Variants in NF2 observed in about 807,000 individuals in gnomAD.
NF2 encodes merlin.
In NF2, 8 loss-of-function variants were observed where a neutral mutation model predicts 83.7. That is an observed-to-expected ratio of 0.10 (90% confidence interval 0.06 to 0.17). The LOEUF (loss-of-function observed/expected upper bound fraction) is 0.17. NF2 is among the 10% of genes least tolerant of loss of function. NF2 has a pLI of 1.00. For synonymous variants in NF2, 266 were observed against 269.6 expected (o/e 0.99, Z 0.13); for missense variants, 533 against 744.4 (o/e 0.72, Z 3.31).
chr22:29,657,284 C>T (rs781023733), intron 6 of NF2, among the ~76,000 whole-genome samples: 24 of 152,260 alleles, frequency 1.6e-4, no homozygotes, highest in East Asian at 3.9e-4. Flanking sequence ...GGGTTTGTGG[C>T]ATGTGGCAAT....
At chr22:29,620,215 C>T (rs764753632) in intron 1 of NF2, among the ~76,000 whole-genome samples, 6 of 151,918 alleles carry the variant, frequency 3.9e-5, no homozygotes, top group East Asian at 1.9e-4. Context: ...GCTGAGATCG[C>T]GTCACTGCAC....
chr22:29,621,921 CTCT>C, intron 1 of NF2, among the ~76,000 whole-genome samples: 1 of 152,128 alleles, frequency 6.6e-6, no homozygotes, highest in Non-Finnish European at 1.5e-5. Context: ...CAAGGGTTTC[CTCT>C]TCTTTGTGTC....
rs146829323 is a variant in NF2 at position 29,661,628 on chromosome 22, C to T, written c.810+289C>T. ...TTATTACTTGGCTTTCTATTTTTGT[C>T]GATACATTCTCTTTGTATGTTTTCT... On this transcript the variant is annotated intron_variant, in intron 8 of 15. Transcript: ENST00000338641. Among the ~76,000 whole-genome samples the T allele has an allele frequency of 2.0e-3, 312 of 152,318 alleles. 1 individual carries two copies. Among genetic ancestry groups the T allele is most frequent in the Non-Finnish European group, 3.3e-3 (222 of 68,024 alleles).
At chr22:29,638,579 T>C (rs1383220768) in intron 2 of NF2, among the ~76,000 whole-genome samples, 5 of 152,180 alleles carry the variant, frequency 3.3e-5, no homozygotes, top group Admixed American at 6.5e-5. Flanking sequence ...CTTGAACTCC[T>C]GACCTCAGGT....
intron 15 of NF2, chr22:29,683,649 T>A: frequency 9.2e-7 from 1 of 1,083,572 alleles, no homozygotes; most frequent in South Asian, 4.1e-5. Context: ...GATATGTGAG[T>A]CCACGGGGAG....
intron 10 of NF2, among the ~76,000 whole-genome samples, chr22:29,669,050 A>G (rs187954607): frequency 7.2e-5 from 11 of 152,326 alleles, no homozygotes; most frequent in African/African-American, 2.4e-4. Flanking sequence ...GAGAATATCA[A>G]TTGTGTTTTT....
chr22:29,694,847 G>T lies in NF2; in HGVS notation c.*45G>T. 1 of 1,590,440 alleles carries T rather than the reference G, an allele frequency of 6.3e-7. No individual in the cohort carries two copies. Among genetic ancestry groups the T allele is most frequent in the Non-Finnish European group, 8.6e-7 (1 of 1,163,844 alleles). ...AGGACCTGCCACTTCTCCTGCTACC[G>T]GGACCGCGGGATGGACCAGATATCA... On this transcript the variant is annotated 3_prime_UTR_variant, in exon 16 of 16. Coordinates refer to ENST00000338641, the MANE Select transcript of NF2 (RefSeq NM_000268.4). This position sits in a 1 kb window ranked among gnomAD's most constrained non-coding sequence, Gnocchi z 4.1.
chr22:29,686,870 C>G (rs539854061), intron 15 of NF2, among the ~76,000 whole-genome samples: 3 of 152,080 alleles, frequency 2.0e-5, no homozygotes, highest in Non-Finnish European at 4.4e-5. Context: ...TCAGTGGGAG[C>G]GACACGTGTC....
Position 29,636,197 on chromosome 22 carries a change from G to A in NF2, c.115-554G>A, listed in dbSNP as rs536163300. Among the ~76,000 whole-genome samples the A allele has an allele frequency of 1.2e-3, 190 of 152,184 alleles. No individual in the cohort carries two copies. Among genetic ancestry groups the A allele is most frequent in the Non-Finnish European group, 2.4e-3 (160 of 68,012 alleles). On this transcript the variant is annotated intron_variant, in intron 1 of 15. Coordinates refer to ENST00000338641, the MANE Select transcript of NF2 (RefSeq NM_000268.4). The surrounding 1 kb of genome is among the most constrained non-coding windows in gnomAD (Gnocchi z 4.4). ...TGGCCTCAGTTAGGCATCCTTGACA[G>A]GACAGACCTGTGATTGGACTGTCTG...
At chr22:29,683,705 C>T (rs2067207563) in intron 15 of NF2, 6 of 1,073,106 alleles carry the variant, frequency 5.6e-6, no homozygotes, top group Non-Finnish European at 6.8e-6. Flanking sequence ...CTTCAGCTTC[C>T]TCTCCATAGG....
chr22:29,683,069 GTTGT>G, intron 15 of NF2: 1 of 1,614,204 alleles, frequency 6.2e-7, no homozygotes, highest in Non-Finnish European at 8.5e-7. Flanking sequence ...CTCAAAGTAG[GTTGT>G]TCCCAGGTAC....
At chr22:29,621,946 C>T (rs1312507928) in intron 1 of NF2, among the ~76,000 whole-genome samples, 1 of 152,210 alleles carries the variant, frequency 6.6e-6, no homozygotes, top group African/African-American at 2.4e-5. Context: ...AAAGTCACCA[C>T]ATAGCTTCTA....
intron 4 of NF2, among the ~76,000 whole-genome samples, chr22:29,644,372 GA>G (rs1179115613): frequency 6.6e-6 from 1 of 151,882 alleles, no homozygotes; most frequent in Non-Finnish European, 1.5e-5. Context: ...TGGCGGCCGG[GA>G]AGAGGCGCTC....
intron 13 of NF2, among the ~76,000 whole-genome samples, chr22:29,677,219 G>A (rs1273703115): frequency 1.3e-5 from 2 of 152,150 alleles, no homozygotes; most frequent in African/African-American, 2.4e-5. Flanking sequence ...TTAGAGAACC[G>A]TAAACACAGC....
At chr22:29,632,036 C>T (rs1307010828) in intron 1 of NF2, among the ~76,000 whole-genome samples, 1 of 152,170 alleles carries the variant, frequency 6.6e-6, no homozygotes. Context: ...AGTGTGTTCC[C>T]TACTTGGGAG....
intron 1 of NF2, among the ~76,000 whole-genome samples, chr22:29,628,424 G>A (rs2065424269): frequency 1.3e-5 from 2 of 152,012 alleles, no homozygotes; most frequent in African/African-American, 2.4e-5. Context: ...GTTGTAATAA[G>A]GTAGGGTAAT....
rs755253391 is a variant in NF2 at position 29,668,338 on chromosome 22, C to T, written c.891C>T (p.Leu297=). 1.2e-6 allele frequency: 2 copies of T among 1,612,846 alleles called. No homozygotes were observed. Among genetic ancestry groups the T allele is most frequent in the Non-Finnish European group, 1.7e-6 (2 of 1,178,986 alleles). The change falls in exon 10 of 16, where the codon CTC becomes CTT. Residue 297 remains leucine, a synonymous_variant. Transcript: ENST00000338641. Reference sequence around the variant, plus strand: ...GTCTGCTTCTGTGGCCACAGATTCTCCAGCTATGTATCGGGAACCATGATC... The same window carrying T: ...GTCTGCTTCTGTGGCCACAGATTCTTCAGCTATGTATCGGGAACCATGATC... The part of the protein sequence containing the change: ...SSKLRVNKLI[L]QLCIGNHDLF...
chr22:29,624,997 A>C (rs2065326124), intron 1 of NF2, among the ~76,000 whole-genome samples: 1 of 138,998 alleles, frequency 7.2e-6, no homozygotes, highest in African/African-American at 2.7e-5. Flanking sequence ...CAGTGGTGAG[A>C]TCTCGGCTCA....
Position 29,653,868 on chromosome 22 carries a change from G to A in NF2, c.448-789G>A, listed in dbSNP as rs146612895. Among the ~76,000 whole-genome samples, 56 of 152,278 alleles carry A rather than the reference G, an allele frequency of 3.7e-4. 1 individual carries two copies. Among genetic ancestry groups the A allele is most frequent in the African/African-American group, 7.2e-4 (30 of 41,558 alleles). ...TTGGTAAAATGAAGAGCCACTGTAC[G>A]CTGATTGATAAGAGATAGGCTTTGA... On this transcript the variant is annotated intron_variant, in intron 4 of 15. Coordinates refer to ENST00000338641, the MANE Select transcript of NF2 (RefSeq NM_000268.4).
Sources: allele counts gnomAD v4.1 joint callset (sites outside exome capture counted in the v4.1 genomes callset), GRCh38; gene constraint gnomAD v4.1.1; non-coding constraint Gnocchi (gnomAD v3.1); transcripts MANE v1.5; gene names NCBI Gene and HGNC (gene_info 2026-07-23, HGNC 2026-07-21).